Variants in RHBG observed in about 807,000 individuals in gnomAD.
The protein encoded by RHBG is ammonium transporter Rh type B.
RHBG carries 39 observed loss-of-function variants against 40.1 expected under a neutral mutation model. The ratio of observed to expected loss-of-function variants is 0.97; its 90% CI spans 0.75 to 1.27. RHBG has a LOEUF of 1.27. RHBG is among the 50% of genes most tolerant of loss of function. The probability of loss-of-function intolerance (pLI) is 0.00; values close to 1 mark genes in which losing one functional copy is unlikely to be tolerated. For synonymous variants in RHBG, 237 were observed against 252.5 expected, an observed-to-expected ratio of 0.94 and a Z score of 0.58; for missense variants, 549 against 588.1, an observed-to-expected ratio of 0.93 and a Z score of 0.69.
intron 1 of RHBG, among the ~76,000 whole-genome samples, chr1:156,372,216 T>C (rs1666904338): frequency 6.6e-6 from 1 of 152,214 alleles, no homozygotes; most frequent in African/African-American, 2.4e-5. Flanking sequence ...TGAGAGCCCA[T>C]CTGGTTCACC....
In RHBG at chr1:156,378,111, A is replaced by G. The variant is rs1191170459; in HGVS notation, c.496A>G (p.Asn166Asp). 4 of 1,609,474 alleles carry G rather than the reference A, an allele frequency of 2.5e-6. No individual in the cohort carries two copies. Among genetic ancestry groups the G allele is most frequent in the Non-Finnish European group, 3.4e-6 (4 of 1,177,722 alleles). ...ALLEVVLFGI[N>D]EFVLLHLLGV... is the part of the protein sequence containing the mutation. ...GCTGGAGGTGGTGCTGTTTGGCATC[A>G]ATGAGTTTGTGCTCCTTCATCTCCT... Residue 166 changes from asparagine to aspartate, a missense_variant, in exon 3 of 10, where the codon AAT (asparagine) becomes GAT (aspartate). Transcript: ENST00000537040.
chr1:156,382,878 C>G lies in RHBG; in HGVS notation c.1234+9C>G. On this transcript the variant is annotated intron_variant, in intron 8 of 9. Coordinates refer to ENST00000537040, the MANE Select transcript of RHBG (RefSeq NM_020407.5). Reference sequence around the variant, plus strand: ...GGGCGGGGGCCTTGGAGGTGAGTAACCTTGGATTTTCTAGAGGAAGGGGCA... The same window carrying G: ...GGGCGGGGGCCTTGGAGGTGAGTAAGCTTGGATTTTCTAGAGGAAGGGGCA... 1 of 1,614,138 alleles carries G rather than the reference C, an allele frequency of 6.2e-7. No individual in the cohort carries two copies.
chr1:156,381,579 C>G, intron 5 of RHBG, 66 bp downstream of exon 5: 1 of 1,517,308 alleles, frequency 6.6e-7, no homozygotes. Flanking sequence ...AGGTCTGAGA[C>G]CCTCAAGAAA....
chr1:156,379,153 C>T (rs112041962), intron 4 of RHBG, among the ~76,000 whole-genome samples: 4,425 of 152,044 alleles, frequency 0.029, 83 homozygotes, highest in Middle Eastern at 0.048. Context: ...TGCCACCACA[C>T]CCAGCTAATT....
intron 1 of RHBG, among the ~76,000 whole-genome samples, chr1:156,375,458 A>C (rs941165903): frequency 1.5e-4 from 23 of 150,936 alleles, no homozygotes; most frequent in Middle Eastern, 3.4e-3. Flanking sequence ...ATGGCACAAA[A>C]AAAAAAAAAA....
Position 156,384,556 on chromosome 1 carries a change from T to TG in RHBG, c.1264_1265insG (p.Ser422CysfsTer21), listed in dbSNP as rs1302729580. 74 of 1,584,870 alleles carry TG rather than the reference T, an allele frequency of 4.7e-5. No homozygotes were observed. The Middle Eastern group carries it at 1.2e-3, about 25-fold the overall frequency. ...CCTGCTGAAGCTACCCTTTCTGGAC[T>TG]CCCCCCCAGACTCCCAGCACTACGA... On this transcript the variant is annotated frameshift_variant, in exon 9 of 10. Coordinates refer to ENST00000537040, the MANE Select transcript of RHBG (RefSeq NM_020407.5). LOFTEE classifies it high-confidence loss of function.
intron 1 of RHBG, among the ~76,000 whole-genome samples, chr1:156,372,999 C>A (rs1166944642): frequency 1.3e-5 from 2 of 152,208 alleles, no homozygotes; most frequent in Admixed American, 6.5e-5. Context: ...GCAAAAGCCC[C>A]AGCTTTAACA....
intron 1 of RHBG, among the ~76,000 whole-genome samples, chr1:156,375,746 CT>C (rs796596179): frequency 1.1e-3 from 167 of 145,482 alleles, no homozygotes; most frequent in East Asian, 1.4e-3. Context: ...TTTTCTTTTT[CT>C]TTTTTTTTTT....
At chr1:156,382,603 G>T in intron 7 of RHBG, 145 bp from the exon 8 acceptor site, 1 of 991,516 alleles carries the variant, frequency 1.0e-6, no homozygotes, top group Admixed American at 2.0e-5. Flanking sequence ...CTGGAGGTGA[G>T]ACTCAGCCTG....
intron 1 of RHBG, among the ~76,000 whole-genome samples, chr1:156,370,308 G>T (rs1322559265): frequency 1.3e-5 from 2 of 152,100 alleles, no homozygotes; most frequent in Non-Finnish European, 2.9e-5. Context: ...AATTAGCTGG[G>T]TGTGGTGGTG....
chr1:156,380,880 T>C (rs915763546), intron 4 of RHBG, among the ~76,000 whole-genome samples: 16 of 152,282 alleles, frequency 1.1e-4, no homozygotes, highest in Admixed American at 4.6e-4. Context: ...CCTCATTTAA[T>C]TACCACTTGA....
intron 5 of RHBG, 110 bp downstream of exon 5, chr1:156,381,623 T>C: frequency 7.1e-7 from 1 of 1,404,316 alleles, no homozygotes; most frequent in Non-Finnish European, 9.7e-7. Flanking sequence ...GGCACAGGCA[T>C]AGGGGCTCCA....
At chr1:156,374,243 C>T (rs1667040084) in intron 1 of RHBG, among the ~76,000 whole-genome samples, 1 of 152,126 alleles carries the variant, frequency 6.6e-6, no homozygotes, top group African/African-American at 2.4e-5. Flanking sequence ...GGAACAGTAT[C>T]AATCCAAAAC....
chr1:156,370,890 A>T (rs1297921367), intron 1 of RHBG, among the ~76,000 whole-genome samples: 1 of 126,602 alleles, frequency 7.9e-6, no homozygotes, highest in Non-Finnish European at 1.7e-5. Flanking sequence ...TTAACCTCCC[A>T]CCCCCACCCT....
chr1:156,373,916 T>C (rs955947697), intron 1 of RHBG, among the ~76,000 whole-genome samples: 7 of 152,190 alleles, frequency 4.6e-5, no homozygotes, highest in African/African-American at 7.2e-5. Flanking sequence ...TTTCTGTTTT[T>C]TTCCCCCATC....
intron 1 of RHBG, among the ~76,000 whole-genome samples, chr1:156,370,624 A>G (rs1422519447): frequency 4.7e-5 from 7 of 149,732 alleles, no homozygotes; most frequent in African/African-American, 1.7e-4. Context: ...CAAAAAAAAA[A>G]AAAAAAAAAA....
At chr1:156,372,952 C>T (rs531755050) in intron 1 of RHBG, among the ~76,000 whole-genome samples, 51 of 152,278 alleles carry the variant, frequency 3.3e-4, no homozygotes, top group East Asian at 2.3e-3. Flanking sequence ...CCACCACGCC[C>T]GGCCAGACTT....
intron 5 of RHBG, 82 bp from the exon 6 acceptor site, chr1:156,381,724 A>T: frequency 6.6e-7 from 1 of 1,505,120 alleles, no homozygotes. Context: ...CAGAAGCAGT[A>T]GGTGTCACTG....
At chr1:156,369,527 C>T in intron 1 of RHBG, 91 bp downstream of exon 1, 6 of 1,352,540 alleles carry the variant, frequency 4.4e-6, no homozygotes, top group Non-Finnish European at 6.0e-6. Context: ...TGGGTGCCCG[C>T]ATTTAGCTGG....
Sources: allele counts gnomAD v4.1 joint callset (sites outside exome capture counted in the v4.1 genomes callset), GRCh38; gene constraint gnomAD v4.1.1; transcripts MANE v1.5; gene names NCBI Gene and HGNC (gene_info 2026-07-23, HGNC 2026-07-21).